The following PDE7B variants were observed in gnomAD, a reference collection of about 807,000 sequenced individuals.
The protein encoded by PDE7B is 3',5'-cyclic-AMP phosphodiesterase 7B.
PDE7B carries 29 observed loss-of-function variants against 56.2 expected under a neutral mutation model. The ratio of observed to expected loss-of-function variants is 0.52; its 90% confidence interval spans 0.38 to 0.70. PDE7B has a LOEUF of 0.70. PDE7B is among the 30% of genes least tolerant of loss of function. The pLI is 0.00. For missense variants in PDE7B, 490 were observed against 565.0 expected, an observed-to-expected ratio of 0.87 and a Z score of 1.35; for synonymous variants, 197 against 196.9, an observed-to-expected ratio of 1.00 and a Z score of 0.00.
intron 1 of PDE7B, among the ~76,000 whole-genome samples, chr6:135,926,905 T>C (rs1431965027): frequency 6.6e-6 from 1 of 152,188 alleles, no homozygotes; most frequent in African/African-American, 2.4e-5. Context: ...TTCCGCATAA[T>C]CTTTATGAAT....
chr6:135,996,261 A>AACTGGTTT (rs1775562263), intron 2 of PDE7B, among the ~76,000 whole-genome samples: 2 of 152,194 alleles, frequency 1.3e-5, no homozygotes, highest in Non-Finnish European at 2.9e-5. Flanking sequence ...ATGTCTTTCA[A>AACTGGTTT]ACTGGTTTTT....
At chr6:136,014,558 T>G (rs1451092151) in intron 2 of PDE7B, among the ~76,000 whole-genome samples, 3 of 152,190 alleles carry the variant, frequency 2.0e-5, no homozygotes, top group Admixed American at 6.5e-5. Context: ...TTCAAAGAGC[T>G]AGAGGCTCCT....
rs1265262340 is a variant in PDE7B at position 136,191,680 on chromosome 6, T to C, written c.1193T>C (p.Leu398Pro). Residue 398 changes from leucine to proline, a missense_variant, in exon 13 of 13, where the codon CTG becomes CCG. Leu to Pro is a moderately conservative substitution (Grantham distance 98, BLOSUM62 -3). Transcript: ENST00000308191. The part of the protein sequence containing the change: ...EWAHFTGNST[L>P]SENMLGHLAH... Reference sequence around the variant, plus strand: ...GCCCATTTCACGGGTAACAGCACCCTGTCGGAGAACATGCTGGGCCACCTC... The same window carrying C: ...GCCCATTTCACGGGTAACAGCACCCCGTCGGAGAACATGCTGGGCCACCTC... 6.2e-7 allele frequency: 1 copy of C among 1,613,994 alleles called. No homozygotes were observed. The highest frequency in any genetic ancestry group is 8.5e-7 in the Non-Finnish European group (1 of 1,179,914).
intron 1 of PDE7B, among the ~76,000 whole-genome samples, chr6:135,867,506 G>T (rs1245058234): frequency 2.0e-5 from 3 of 152,156 alleles, no homozygotes; most frequent in East Asian, 3.9e-4. Flanking sequence ...ATGGGGATTT[G>T]CTGTACAGAT....
At chr6:136,053,154 A>C (rs1349353967) in intron 2 of PDE7B, among the ~76,000 whole-genome samples, 4 of 151,206 alleles carry the variant, frequency 2.6e-5, no homozygotes, top group Non-Finnish European at 5.9e-5. Context: ...GGTGTGCTGC[A>C]CCCATTAACT....
chr6:136,148,470 A>AAGGAAGGCAGGCAGGCAGGC (rs1554282917), intron 4 of PDE7B, among the ~76,000 whole-genome samples: 13 of 130,244 alleles, frequency 1.0e-4, no homozygotes, highest in East Asian at 2.4e-4. Flanking sequence ...GGAAGGAAGG[A>AAGGAAGGCAGGCAGGCAGGC]AGGCAGGCAG....
chr6:136,039,309 CTCTT>C (rs913878879), intron 2 of PDE7B, among the ~76,000 whole-genome samples: 3 of 152,022 alleles, frequency 2.0e-5, no homozygotes, highest in African/African-American at 7.2e-5. Flanking sequence ...ACAGGGCACT[CTCTT>C]TCTTTGAGGA....
At chr6:135,993,679 T>C (rs778705555) in intron 2 of PDE7B, among the ~76,000 whole-genome samples, 11 of 152,226 alleles carry the variant, frequency 7.2e-5, no homozygotes, top group Non-Finnish European at 1.0e-4. Context: ...GGGACATTAT[T>C]AAAGGGTTTA....
At chr6:135,908,249 C>T (rs1010883228) in intron 1 of PDE7B, among the ~76,000 whole-genome samples, 4 of 146,142 alleles carry the variant, frequency 2.7e-5, no homozygotes, top group African/African-American at 1.1e-4. Context: ...CCACCACGCC[C>T]GACTAATTTT....
intron 2 of PDE7B, among the ~76,000 whole-genome samples, chr6:135,998,795 TC>T (rs1221447943): frequency 1.3e-5 from 2 of 150,888 alleles, no homozygotes; most frequent in African/African-American, 4.9e-5. Context: ...AAAAAAACAC[TC>T]CTTAAAGTGA....
intron 3 of PDE7B, among the ~76,000 whole-genome samples, chr6:136,115,773 C>T (rs528554769): frequency 1.3e-5 from 2 of 152,338 alleles, no homozygotes; most frequent in East Asian, 3.9e-4. Context: ...CCCAGGTGCT[C>T]TGAGCCACAC....
At chr6:136,100,346 C>A (rs897847886) in intron 2 of PDE7B, among the ~76,000 whole-genome samples, 2 of 150,698 alleles carry the variant, frequency 1.3e-5, no homozygotes, top group African/African-American at 5.0e-5. Flanking sequence ...AGCATTGAAT[C>A]TATAAATTAC....
intron 2 of PDE7B, among the ~76,000 whole-genome samples, chr6:135,949,802 T>C (rs1425280138): frequency 1.3e-5 from 2 of 152,040 alleles, no homozygotes; most frequent in Non-Finnish European, 2.9e-5. Flanking sequence ...TCAGGACACA[T>C]AGGAATAACA....
At chr6:136,138,699 A>G (rs1481538036) in intron 3 of PDE7B, among the ~76,000 whole-genome samples, 1 of 152,134 alleles carries the variant, frequency 6.6e-6, no homozygotes, top group African/African-American at 2.4e-5. Flanking sequence ...TAGAAGTTAA[A>G]CGGAGTAGTC....
At chr6:135,965,314 G>A (rs1474385550) in intron 2 of PDE7B, among the ~76,000 whole-genome samples, 1 of 152,130 alleles carries the variant, frequency 6.6e-6, no homozygotes, top group Non-Finnish European at 1.5e-5. Context: ...AGGAGCAGCA[G>A]GATCTGCTCA....
intron 2 of PDE7B, among the ~76,000 whole-genome samples, chr6:135,963,437 ACT>A (rs1299608505): frequency 6.6e-6 from 1 of 152,140 alleles, no homozygotes; most frequent in African/African-American, 2.4e-5. Context: ...ATGCTATATA[ACT>A]CTGAGTGTCC....
intron 3 of PDE7B, among the ~76,000 whole-genome samples, chr6:136,118,777 A>C (rs375544733): frequency 3.2e-4 from 48 of 152,256 alleles, no homozygotes; most frequent in South Asian, 1.9e-3. Flanking sequence ...AAATTATGAA[A>C]ATTTTCTTTT....
intron 2 of PDE7B, among the ~76,000 whole-genome samples, chr6:135,985,067 A>G (rs1048816784): frequency 1.3e-5 from 2 of 152,218 alleles, no homozygotes; most frequent in African/African-American, 4.8e-5. Context: ...TCTTCTTTTC[A>G]CTTGCTCTTT....
chr6:136,086,280 G>T (rs569001018), intron 2 of PDE7B, among the ~76,000 whole-genome samples: 1 of 151,934 alleles, frequency 6.6e-6, no homozygotes, highest in Non-Finnish European at 1.5e-5. Flanking sequence ...TCTTATATCA[G>T]TATCCCTTTC....
Sources: allele counts gnomAD v4.1 joint callset (sites outside exome capture counted in the v4.1 genomes callset), GRCh38; gene constraint gnomAD v4.1.1; transcripts MANE v1.5; gene names NCBI Gene and HGNC (gene_info 2026-07-23, HGNC 2026-07-21).